Variants in IQSEC1 observed in about 807,000 individuals in gnomAD.
IQSEC1 encodes IQ motif and Sec7 domain ArfGEF 1.
Under a neutral mutation model 91.0 loss-of-function variants are expected in IQSEC1, and 31 were observed. The ratio of observed to expected loss-of-function variants is 0.34; its 90% CI spans 0.26 to 0.46. The LOEUF (loss-of-function observed/expected upper bound fraction) is 0.46, where lower values mean the gene tolerates loss of function less well. Ranked by LOEUF, IQSEC1 falls within the 20% of genes least tolerant of loss-of-function variation. The probability of loss-of-function intolerance (pLI) is 1.00; values close to 1 mark genes in which losing one functional copy is unlikely to be tolerated. For synonymous variants in IQSEC1, 699 were observed against 662.6 expected (o/e 1.05, Z -0.84); for missense variants, 1,388 against 1,575.6 (o/e 0.88, Z 2.02).
intron 2 of IQSEC1, among the ~76,000 whole-genome samples, chr3:13,118,419 T>C (rs2088112): frequency 0.33 from 49,627 of 152,134 alleles, 8,647 homozygotes; most frequent in South Asian, 0.47. Flanking sequence ...AAAGTGACCA[T>C]TGATGGGTGA....
At chr3:13,006,710 G>T (rs28395206) in intron 1 of IQSEC1, among the ~76,000 whole-genome samples, 1 of 152,268 alleles carries the variant, frequency 6.6e-6, no homozygotes, top group African/African-American at 2.4e-5. Context: ...TTGCAGTTCA[G>T]GGCCCACCCA....
chr3:13,113,092 G>A (rs970491980), intron 2 of IQSEC1, among the ~76,000 whole-genome samples: 4 of 152,246 alleles, frequency 2.6e-5, no homozygotes, highest in Non-Finnish European at 5.9e-5. Context: ...GGTGTGGCAG[G>A]TGTGGGCTGC....
chr3:13,278,283 TC>T (rs1695728657), intron 1 of IQSEC1, among the ~76,000 whole-genome samples: 1 of 152,164 alleles, frequency 6.6e-6, no homozygotes, highest in East Asian at 1.9e-4. Flanking sequence ...AGGCGATGTT[TC>T]CTTTTGCCAA....
At chr3:13,051,569 T>C (rs1159056666) in intron 1 of IQSEC1, among the ~76,000 whole-genome samples, 1 of 152,204 alleles carries the variant, frequency 6.6e-6, no homozygotes, top group Admixed American at 6.5e-5. Flanking sequence ...AGCCATACGC[T>C]GATGAATTGT....
At position 13,270,093 on chromosome 3, in the gene IQSEC1, G is replaced by A. The variant is rs562232238; in HGVS notation, c.272+12618C>T. 7.2e-5 allele frequency among the ~76,000 whole-genome samples: 11 copies of A among 152,328 alleles called. No homozygotes were observed. In the South Asian group the frequency reaches 2.3e-3, roughly 32 times the overall value. ...GACACCTCCACAAGGTGCCGGATGT[G>A]TGAGTGAAGTCGTTTTGGACCCTCC... On this transcript the variant is annotated intron_variant, in intron 1 of 15. Coordinates refer to the IQSEC1 transcript ENST00000648114.
rs1253500371 is a variant in IQSEC1 at position 12,940,200 on chromosome 3, C to T, written c.318+1371G>A. 6.6e-6 allele frequency among the ~76,000 whole-genome samples: 1 copy of T among 151,976 alleles called. No individual in the cohort carries two copies. ...GTTGCTCTGCCCTGTGTCGGTCCGG[C>T]CTAAGTTGCAAGGCAGCACCGACAG... is the stretch of plus-strand genomic sequence containing the variant. On this transcript the variant is annotated intron_variant, in intron 2 of 13. Transcript: ENST00000613206. This position sits in a 1 kb window ranked among gnomAD's most constrained non-coding sequence, Gnocchi z 4.4.
chr3:12,985,073 C>T (rs1232796376), intron 1 of IQSEC1, among the ~76,000 whole-genome samples: 3 of 152,146 alleles, frequency 2.0e-5, no homozygotes, highest in Admixed American at 6.5e-5. Context: ...ATCCGCCCAC[C>T]TCGGCCTCCC....
chr3:13,253,490 T>C (rs1333601923), intron 1 of IQSEC1, among the ~76,000 whole-genome samples: 1 of 152,166 alleles, frequency 6.6e-6, no homozygotes, highest in Non-Finnish European at 1.5e-5. Flanking sequence ...ACACCAAGGC[T>C]GAATGAAGCT....
intron 1 of IQSEC1, among the ~76,000 whole-genome samples, chr3:13,249,215 A>T (rs563202123): frequency 8.1e-6 from 1 of 123,622 alleles, no homozygotes; most frequent in East Asian, 2.4e-4. Context: ...TCTGTCACCC[A>T]GGCTGGAGTG....
At chr3:13,036,862 T>C (rs1444292918) in intron 1 of IQSEC1, among the ~76,000 whole-genome samples, 1 of 152,214 alleles carries the variant, frequency 6.6e-6, no homozygotes, top group East Asian at 1.9e-4. Context: ...TGGCACCTTG[T>C]GTGATCAGAA....
At chr3:12,917,165 C>A (rs1447495843) in intron 6 of IQSEC1, among the ~76,000 whole-genome samples, 3 of 152,172 alleles carry the variant, frequency 2.0e-5, no homozygotes, top group Non-Finnish European at 4.4e-5. Context: ...GCCCTGCCCC[C>A]CGACACTCAT....
chr3:13,167,245 G>A (rs1693515326), intron 1 of IQSEC1, among the ~76,000 whole-genome samples: 1 of 152,206 alleles, frequency 6.6e-6, no homozygotes, highest in African/African-American at 2.4e-5. Context: ...GGCAGACCTG[G>A]AGATAAAGAT....
In IQSEC1 at chr3:13,141,766, A is replaced by G. The variant is rs533540619; in HGVS notation, c.302+22338T>C. Among the ~76,000 whole-genome samples the G allele has an allele frequency of 9.8e-5, 15 of 152,288 alleles. No individual in the cohort carries two copies. In the South Asian group the frequency reaches 3.1e-3, roughly 32 times the overall value. On this transcript the variant is annotated intron_variant, in intron 2 of 15. Coordinates refer to the IQSEC1 transcript ENST00000648114. The stretch of plus-strand genomic sequence containing the variant: ...ATGCTGCCAATTTCAGGTGCGACAA[A>G]GAAAGAGGTTAGAGAAAGACGGAGA...
intron 1 of IQSEC1, among the ~76,000 whole-genome samples, chr3:12,982,959 A>G (rs1296891753): frequency 4.6e-5 from 7 of 152,242 alleles, no homozygotes; most frequent in African/African-American, 1.7e-4. Flanking sequence ...CCCTGTCCTG[A>G]GGCTGCAGAG....
At chr3:13,086,850 G>A (rs1395992353) in intron 2 of IQSEC1, among the ~76,000 whole-genome samples, 1 of 152,210 alleles carries the variant, frequency 6.6e-6, no homozygotes. Context: ...CAGGCATCCT[G>A]TTTAATTGTT....
chr3:13,106,387 G>A (rs188685002), intron 2 of IQSEC1, among the ~76,000 whole-genome samples: 10 of 152,306 alleles, frequency 6.6e-5, no homozygotes, highest in Admixed American at 4.6e-4. Flanking sequence ...TGGGGACTCA[G>A]CTTGAGACCT....
At chr3:13,228,499 A>G (rs528634701) in intron 1 of IQSEC1, among the ~76,000 whole-genome samples, 4 of 152,260 alleles carry the variant, frequency 2.6e-5, no homozygotes, top group Non-Finnish European at 5.9e-5. Flanking sequence ...GGGAGACATT[A>G]TAGTAACTGT....
At chr3:13,167,380 G>C (rs952389525) in intron 1 of IQSEC1, among the ~76,000 whole-genome samples, 3 of 152,206 alleles carry the variant, frequency 2.0e-5, no homozygotes, top group African/African-American at 7.2e-5. Context: ...CACCACTGTG[G>C]GAAGCTGAGG....
rs1693888018 is a variant in IQSEC1 at position 12,898,658 on chromosome 3, TAC to T, written c.*2323_*2324del. ...ATCTTTTCTGGAACAACCTAAAGGT[TAC>T]AGTTAGACTCTCCTCCCAGCACAGA... is the stretch of plus-strand genomic sequence containing the variant. On this transcript the variant is annotated 3_prime_UTR_variant, in exon 14 of 14. Coordinates refer to ENST00000613206, the MANE Select transcript of IQSEC1 (RefSeq NM_001134382.3). 1 of 152,238 alleles carries T rather than the reference TAC, an allele frequency of 6.6e-6. No individual in the cohort carries two copies. Among genetic ancestry groups the T allele is most frequent in the Non-Finnish European group, 1.5e-5 (1 of 68,048 alleles). 9.4% of individuals were successfully genotyped at this position (152,238 alleles called of 1,614,324 possible).
Sources: gnomAD v4.1 joint callset for allele counts (sites outside exome capture counted in the v4.1 genomes callset) on GRCh38, gnomAD v4.1.1 for gene constraint, Gnocchi (gnomAD v3.1) non-coding constraint, MANE v1.5 for transcripts, NCBI Gene and HGNC (gene_info 2026-07-23, HGNC 2026-07-21) for gene names.